ERCC6: variants seen among roughly 807,000 people sequenced by gnomAD.
ERCC6 encodes the protein ERCC excision repair 6, chromatin remodeling factor.
ERCC6 carries 116 observed loss-of-function variants against 158.7 expected under a neutral mutation model. The observed-to-expected ratio is 0.73, with a 90% CI of 0.63 to 0.85. The LOEUF (loss-of-function observed/expected upper bound fraction) is 0.85. Ranked by LOEUF, ERCC6 falls within the 40% of genes least tolerant of loss-of-function variation. ERCC6 has a pLI of 0.00. For synonymous variants in ERCC6, 678 were observed against 659.3 expected (o/e 1.03, Z -0.43); for missense variants, 1,698 against 1,799.4 (o/e 0.94, Z 1.02).
rs960980372 is a variant in ERCC6, at chr10:49,457,267, T to C, written c.*1548A>G. The C allele has an allele frequency of 6.6e-6, 1 of 152,178 alleles. No individual in the cohort carries two copies. The highest frequency in any genetic ancestry group is 2.4e-5 in the African/African-American group (1 of 41,450). The allele number at this position is 152,178 out of a possible 1,614,324, so 9.4% of individuals were successfully genotyped here. A position where few individuals can be genotyped will look rare whatever the true frequency, so the allele number is the denominator to read the frequency against. On this transcript the variant is annotated 3_prime_UTR_variant, in exon 21 of 21. Transcript: ENST00000355832. ...AATTCTTTCTATGACTTCTAAACAA[T>C]GATGGCAAAGTGACAAAAATAATGT...
intron 5 of ERCC6, among the ~76,000 whole-genome samples, chr10:49,513,090 T>C (rs1228061042): frequency 1.3e-5 from 2 of 152,220 alleles, no homozygotes; most frequent in Non-Finnish European, 2.9e-5. Context: ...GTAACAAGAA[T>C]AGCTAATACT....
chr10:49,453,456 T>C (rs1176404123), downstream of ERCC6, among the ~76,000 whole-genome samples: 1 of 152,178 alleles, frequency 6.6e-6, no homozygotes, highest in East Asian at 1.9e-4. Flanking sequence ...GCCACCTCCT[T>C]TGTGCTGTTT....
chr10:49,524,226 A>G lies in ERCC6; in HGVS notation c.1204T>C (p.Tyr402His), dbSNP rs773498737. Residue 402 changes from tyrosine (Y) to histidine (H), a missense_variant, in exon 5 of 21, where the codon TAT (tyrosine) becomes CAT (histidine). Tyr to His is a moderately conservative substitution (Grantham distance 83). Transcript: ENST00000355832. ...CCCTTGGGCAGAGGCTTCAGCTCAT[A>G]GTCAGTACCATCTCCAGACAGGTCC... ...EADLSGDGTDYELKPLPKGGK... is the reference protein window; with the variant it reads ...EADLSGDGTDHELKPLPKGGK... 43 of 1,613,948 alleles carry G rather than the reference A, an allele frequency of 2.7e-5. No individual in the cohort carries two copies. The highest frequency in any genetic ancestry group is 3.6e-5 in the Non-Finnish European group (43 of 1,180,016).
In ERCC6 at chr10:49,516,107, A is replaced by T. The variant is rs760192995; in HGVS notation, c.1397+7926T>A. 8 of 1,614,094 alleles carry T rather than the reference A, an allele frequency of 5.0e-6. No individual in the cohort carries two copies. In the Admixed American group the frequency reaches 1.3e-4, roughly 27 times the overall value. Reference sequence around the variant, plus strand: ...CAGGGTGTGCCTCTGTAAGTGCCTCACTAAACTGAAGGACAAGTGACGCAC... The same window carrying T: ...CAGGGTGTGCCTCTGTAAGTGCCTCTCTAAACTGAAGGACAAGTGACGCAC... On this transcript the variant is annotated intron_variant, in intron 5 of 20. Transcript: ENST00000355832.
At chr10:49,493,380 T>C (rs1851210492) in intron 7 of ERCC6, 128 bp from the exon 8 acceptor site, 1 of 1,168,694 alleles carries the variant, frequency 8.6e-7, no homozygotes, top group East Asian at 2.5e-5. Flanking sequence ...TATGGAAATT[T>C]ATTGATATTT....
intron 19 of ERCC6, 111 bp from the exon 20 acceptor site, chr10:49,460,562 T>C (rs1481067875): frequency 1.0e-5 from 8 of 785,232 alleles, no homozygotes; most frequent in Non-Finnish European, 1.5e-5. Flanking sequence ...ATCTGCATGC[T>C]TATTCTTTCA....
At chr10:49,534,053 G>A (rs1336103397) in intron 1 of ERCC6, among the ~76,000 whole-genome samples, 1 of 134,414 alleles carries the variant, frequency 7.4e-6, no homozygotes, top group East Asian at 2.5e-4. Flanking sequence ...AGAATCACTT[G>A]AACCCAGGAG....
At chr10:49,537,788 G>A (rs1245773766) in intron 1 of ERCC6, among the ~76,000 whole-genome samples, 2 of 151,794 alleles carry the variant, frequency 1.3e-5, no homozygotes, top group Non-Finnish European at 2.9e-5. Context: ...GCCAGGCTCC[G>A]CCAGGCTCAC....
At chr10:49,480,429 A>ACTAT (rs1188283657) in intron 10 of ERCC6, among the ~76,000 whole-genome samples, 1 of 152,192 alleles carries the variant, frequency 6.6e-6, no homozygotes, top group African/African-American at 2.4e-5. Context: ...CGGCACACAG[A>ACTAT]CTATCTTCTT....
rs551724563 is a variant in ERCC6 at position 49,457,322 on chromosome 10, C to A, written c.*1493G>T. 1 of 152,102 alleles carries A rather than the reference C, an allele frequency of 6.6e-6. No individual in the cohort carries two copies. The highest frequency in any genetic ancestry group is 2.4e-5 in the African/African-American group (1 of 41,500). The allele number at this position is 152,102 out of a possible 1,614,324, so 9.4% of individuals were successfully genotyped here. On this transcript the variant is annotated 3_prime_UTR_variant, in exon 21 of 21. Transcript: ENST00000355832. The stretch of plus-strand genomic sequence containing the variant: ...ATCTTCTTCCCTCATTATATATAAA[C>A]CAAACTAAAAACAAAAGAAATGAAC...
At position 49,494,178 on chromosome 10, in the gene ERCC6, G is replaced by A. The variant is rs4253125; in HGVS notation, c.1686-926C>T. Among the ~76,000 whole-genome samples, 714 of 152,248 alleles carry A rather than the reference G, an allele frequency of 4.7e-3. 5 individuals are homozygous for A. Among genetic ancestry groups the A allele is most frequent in the African/African-American group, 0.016 (648 of 41,544 alleles). On this transcript the variant is annotated intron_variant, in intron 7 of 20. Transcript: ENST00000355832. Reference sequence around the variant, plus strand: ...ACTGCCTGGATCTGAATCCAACTCTGCACACATTGTATGATCTCGGGCACA... The same window carrying A: ...ACTGCCTGGATCTGAATCCAACTCTACACACATTGTATGATCTCGGGCACA...
At chr10:49,516,920 A>T in intron 5 of ERCC6, 1 of 1,614,108 alleles carries the variant, frequency 6.2e-7, no homozygotes, top group Non-Finnish European at 8.5e-7. Context: ...AGCCATCTTG[A>T]ATAAGATACG....
intron 10 of ERCC6, among the ~76,000 whole-genome samples, chr10:49,482,041 G>T (rs1850989528): frequency 6.6e-6 from 1 of 152,056 alleles, no homozygotes; most frequent in Admixed American, 6.5e-5. Flanking sequence ...CCCTTTCAAG[G>T]CCCCACAGTT....
chr10:49,505,830 T>C, intron 6 of ERCC6, 54 bp downstream of exon 6: 3 of 1,607,630 alleles, frequency 1.9e-6, no homozygotes, highest in Non-Finnish European at 2.6e-6. Flanking sequence ...AAAATGTTAA[T>C]TTGTACATAA....
At position 49,470,417 on chromosome 10, in the gene ERCC6, G is replaced by C. The variant is rs144328884; in HGVS notation, c.3543C>G (p.His1181Gln). ...CACTATGATGTTTTGTTTTTGACTT[G>C]TGCTTATAAAAATTATTTTCCATTT... ...NKQMENNFYK[H>Q]KSKTKHHSVA... Residue 1181 changes from histidine (H) to glutamine (Q), a missense_variant, in exon 18 of 21, where the codon CAC becomes CAG. His to Gln is a conservative substitution (Grantham distance 24, BLOSUM62 0). Transcript: ENST00000355832. The C allele has an allele frequency of 6.2e-7, 1 of 1,614,046 alleles. No individual in the cohort carries two copies. Among genetic ancestry groups the C allele is most frequent in the East Asian group, 2.2e-5 (1 of 44,886 alleles).
In ERCC6 at chr10:49,516,125, T is replaced by A. The variant is rs542125123; in HGVS notation, c.1397+7908A>T. Reference sequence around the variant, plus strand: ...GTGCCTCACTAAACTGAAGGACAAGTGACGCACCGACACCATATTCCTCAT... The same window carrying A: ...GTGCCTCACTAAACTGAAGGACAAGAGACGCACCGACACCATATTCCTCAT... On this transcript the variant is annotated intron_variant, in intron 5 of 20. Transcript: ENST00000355832. 12 of 1,614,172 alleles carry A rather than the reference T, an allele frequency of 7.4e-6. No individual in the cohort carries two copies. In the South Asian group the frequency reaches 1.3e-4, roughly 18 times the overall value.
At chr10:49,519,696 T>G (rs1338020080) in intron 5 of ERCC6, among the ~76,000 whole-genome samples, 3 of 152,086 alleles carry the variant, frequency 2.0e-5, no homozygotes, top group African/African-American at 7.2e-5. Flanking sequence ...TGGGCCATAG[T>G]AAAGAAAAAA....
At chr10:49,513,642 G>C (rs1836866699) in intron 5 of ERCC6, among the ~76,000 whole-genome samples, 1 of 152,156 alleles carries the variant, frequency 6.6e-6, no homozygotes, top group Admixed American at 6.5e-5. Context: ...AGGAGGAAGT[G>C]AGTGCAAGCA....
intron 5 of ERCC6, among the ~76,000 whole-genome samples, chr10:49,518,515 A>G (rs781210515): frequency 3.3e-5 from 5 of 152,238 alleles, no homozygotes; most frequent in African/African-American, 4.8e-5. Context: ...ACTAAGTCGT[A>G]CGCATTCAAA....
Sources: gnomAD v4.1 joint callset for allele counts (sites outside exome capture counted in the v4.1 genomes callset) on GRCh38, gnomAD v4.1.1 for gene constraint, MANE v1.5 for transcripts, NCBI Gene and HGNC (gene_info 2026-07-23, HGNC 2026-07-21) for gene names.